Variants in PSAT1 observed in about 807,000 individuals in gnomAD.
PSAT1 encodes phosphoserine aminotransferase 1.
PSAT1 carries 41 observed loss-of-function variants against 40.3 expected under a neutral mutation model. That is an observed-to-expected ratio of 1.02 (90% CI 0.79 to 1.32). The LOEUF (loss-of-function observed/expected upper bound fraction) is 1.32, where lower values mean the gene tolerates loss of function less well. Among genes scored for constraint, PSAT1 ranks in the 40% most tolerant of loss-of-function variants. PSAT1 has a pLI of 0.00. For synonymous variants in PSAT1, 147 were observed against 170.5 expected (o/e 0.86, Z 1.07); for missense variants, 406 against 455.8 (o/e 0.89, Z 0.99).
intron 7 of PSAT1, among the ~76,000 whole-genome samples, chr9:78,321,737 G>A (rs188545422): frequency 3.9e-5 from 6 of 152,266 alleles, no homozygotes; most frequent in Admixed American, 1.3e-4. Context: ...TTGAGCCCAC[G>A]TGGGCCGTTT....
Position 78,308,592 on chromosome 9 carries a change from G to A in PSAT1, c.740+9G>A, listed in dbSNP as rs763542719. The A allele has an allele frequency of 1.2e-6, 2 of 1,613,786 alleles. No individual in the cohort carries two copies. Among genetic ancestry groups the A allele is most frequent in the Non-Finnish European group, 1.7e-6 (2 of 1,180,000 alleles). On this transcript the variant is annotated intron_variant, in intron 6 of 8. Transcript: ENST00000376588. ...ACGCCTCCATGTTTCAGGTAACTCT[G>A]GGAGTCAGTCTTGTGGACCCAGGGA...
At chr9:78,320,672 T>TGTCC (rs775295442) in intron 7 of PSAT1, among the ~76,000 whole-genome samples, 3 of 141,084 alleles carry the variant, frequency 2.1e-5, no homozygotes, top group Non-Finnish European at 4.5e-5. Flanking sequence ...TCTATCCATC[T>TGTCC]GTCCATCCAT....
chr9:78,307,041 A>G lies in PSAT1; in HGVS notation c.570+555A>G, dbSNP rs150959931. 5.8e-3 allele frequency among the ~76,000 whole-genome samples: 885 copies of G among 152,342 alleles called. 7 individuals carry two copies. Among genetic ancestry groups the G allele is most frequent in the African/African-American group, 0.02 (833 of 41,580 alleles). On this transcript the variant is annotated intron_variant, in intron 5 of 8. Coordinates refer to ENST00000376588, the MANE Select transcript of PSAT1 (RefSeq NM_058179.4). ...ATTGGGATAAAATATAACAAATTTT[A>G]CCATTTAATATAAAATATACCATTT...
intron 4 of PSAT1, 118 bp from the exon 5 acceptor site, chr9:78,306,196 G>T: frequency 9.3e-7 from 1 of 1,077,220 alleles, no homozygotes; most frequent in Non-Finnish European, 1.4e-6. Context: ...GCAATGCTTT[G>T]GAGTCAGTTA....
intron 6 of PSAT1, among the ~76,000 whole-genome samples, chr9:78,311,209 G>A (rs1233523987): frequency 2.0e-5 from 3 of 152,296 alleles, no homozygotes; most frequent in Middle Eastern, 3.4e-3. Context: ...CGGTGAGGGT[G>A]CAGCTGGGGA....
At chr9:78,300,710 CTTTTTTTTTTTTT>C (rs753207413) in intron 2 of PSAT1, 48 bp downstream of exon 2, 2 of 1,107,152 alleles carry the variant, frequency 1.8e-6, no homozygotes, top group Non-Finnish European at 2.2e-6. Context: ...TCAAAGGAAG[CTTTTTTTTTTTTT>C]TTTTTTTTTA....
intron 1 of PSAT1, among the ~76,000 whole-genome samples, chr9:78,298,135 C>T (rs1828054167): frequency 6.6e-6 from 1 of 152,190 alleles, no homozygotes; most frequent in African/African-American, 2.4e-5. Flanking sequence ...TCACTCTCTG[C>T]CTTCCCAGGC....
At chr9:78,299,496 C>CTT (rs5898580) in intron 1 of PSAT1, among the ~76,000 whole-genome samples, 2 of 142,568 alleles carry the variant, frequency 1.4e-5, no homozygotes, top group Admixed American at 7.2e-5. Context: ...TCAAGGCAGT[C>CTT]TTTTTTTTAA....
intron 7 of PSAT1, among the ~76,000 whole-genome samples, chr9:78,320,500 TATCC>T (rs72361505): frequency 1.2e-3 from 172 of 146,288 alleles, no homozygotes; most frequent in African/African-American, 4.2e-3. Flanking sequence ...CCCATCTATC[TATCC>T]ATCCATCCAT....
intron 7 of PSAT1, among the ~76,000 whole-genome samples, chr9:78,326,934 AATATATATAT>A: frequency 9.6e-6 from 1 of 104,562 alleles, no homozygotes; most frequent in African/African-American, 4.9e-5. Flanking sequence ...AAGTGACAGC[AATATATATAT>A]ATATATATAT....
At chr9:78,320,726 C>G (rs575541130) in intron 7 of PSAT1, among the ~76,000 whole-genome samples, 1 of 143,768 alleles carries the variant, frequency 7.0e-6, no homozygotes, top group African/African-American at 2.5e-5. Flanking sequence ...AGGACCTGCT[C>G]TGTACACTAG....
Position 78,302,648 on chromosome 9 carries a change from C to A in PSAT1, c.191+625C>A, listed in dbSNP as rs969165197. Among the ~76,000 whole-genome samples the A allele has an allele frequency of 1.6e-4, 24 of 150,466 alleles. No individual in the cohort carries two copies. The South Asian group carries it at 1.9e-3, about 12-fold the overall frequency. On this transcript the variant is annotated intron_variant, in intron 3 of 8. Coordinates refer to ENST00000376588, the MANE Select transcript of PSAT1 (RefSeq NM_058179.4). ...ATTCGGGAGGCTGAGGCAGGAGAAT[C>A]GCTTGAACCAGGGAGGCGGAGTTTG...
At chr9:78,304,984 G>C (rs1173716382) in intron 4 of PSAT1, 44 bp downstream of exon 4, 1 of 1,566,222 alleles carries the variant, frequency 6.4e-7, no homozygotes, top group Admixed American at 1.7e-5. Context: ...GCTCAATGGT[G>C]GGTTACCCCG....
At chr9:78,327,264 A>G (rs997762078) in intron 7 of PSAT1, among the ~76,000 whole-genome samples, 2 of 151,880 alleles carry the variant, frequency 1.3e-5, no homozygotes, top group Non-Finnish European at 2.9e-5. Context: ...CTTGGCCATG[A>G]CAGCAATATT....
intron 3 of PSAT1, among the ~76,000 whole-genome samples, chr9:78,303,355 A>T (rs922293068): frequency 2.6e-5 from 4 of 152,150 alleles, no homozygotes; most frequent in Admixed American, 2.0e-4. Context: ...ATCATGTCAC[A>T]TTCATAGGAC....
At chr9:78,303,563 T>G (rs959874565) in intron 3 of PSAT1, among the ~76,000 whole-genome samples, 22 of 152,164 alleles carry the variant, frequency 1.4e-4, no homozygotes, top group Admixed American at 1.3e-3. Context: ...TTCTTGGCCT[T>G]GTTAACTGCC....
chr9:78,325,595 C>T (rs547338042), intron 7 of PSAT1, among the ~76,000 whole-genome samples: 7 of 152,340 alleles, frequency 4.6e-5, no homozygotes, highest in Admixed American at 1.3e-4. Flanking sequence ...TCAACCTTGC[C>T]GCTGCTGAAT....
At chr9:78,318,205 C>T (rs972948757) in intron 7 of PSAT1, among the ~76,000 whole-genome samples, 1 of 152,224 alleles carries the variant, frequency 6.6e-6, no homozygotes, top group African/African-American at 2.4e-5. Flanking sequence ...ATACTCCTGT[C>T]CTCCTCTTCT....
intron 1 of PSAT1, chr9:78,298,212 CAA>C: frequency 1.1e-6 from 1 of 943,248 alleles, no homozygotes; most frequent in Non-Finnish European, 1.3e-6. Flanking sequence ...GTGAAGAAGG[CAA>C]AGTCTCCGAT....
Sources: allele counts gnomAD v4.1 joint callset (sites outside exome capture counted in the v4.1 genomes callset), GRCh38; gene constraint gnomAD v4.1.1; transcripts MANE v1.5; gene names NCBI Gene and HGNC (gene_info 2026-07-23, HGNC 2026-07-21).